The following CDH18 variants were observed in gnomAD, a reference collection of about 807,000 sequenced individuals.
CDH18 encodes cadherin 18, also known as cadherin-18.
In CDH18, 31 loss-of-function variants were observed where a neutral mutation model predicts 67.9. The ratio of observed to expected loss-of-function variants is 0.46; its 90% confidence interval spans 0.34 to 0.62. CDH18 has a LOEUF of 0.62. CDH18 is among the 20% of genes least tolerant of loss of function. CDH18 has a pLI of 0.01. For missense variants in CDH18, 890 were observed against 975.5 expected (o/e 0.91, Z 1.17); for synonymous variants, 362 against 347.2 (o/e 1.04, Z -0.48).
chr5:20,502,236 G>A (rs1322274670), intron 1 of CDH18, among the ~76,000 whole-genome samples: 1 of 152,084 alleles, frequency 6.6e-6, no homozygotes, highest in Non-Finnish European at 1.5e-5. Context: ...TTGTTCAATG[G>A]ATTACTTGTT....
chr5:20,538,162 C>T (rs1756834298), intron 1 of CDH18, among the ~76,000 whole-genome samples: 1 of 152,042 alleles, frequency 6.6e-6, no homozygotes, highest in Non-Finnish European at 1.5e-5. Context: ...GAACACATCA[C>T]TATGAATGTA....
At chr5:19,652,599 A>C (rs1755744177) in intron 5 of CDH18, among the ~76,000 whole-genome samples, 1 of 152,164 alleles carries the variant, frequency 6.6e-6, no homozygotes, top group Non-Finnish European at 1.5e-5. Flanking sequence ...CACAAAAATC[A>C]ATGCTGCAAA....
At chr5:19,848,119 A>G (rs932030734) in intron 2 of CDH18, 3 of 152,190 alleles carry the variant, frequency 2.0e-5, no homozygotes, top group Non-Finnish European at 4.4e-5. Flanking sequence ...CTTCTGTGGC[A>G]CAAGTCTTCT....
chr5:19,885,430 A>C (rs1223407153), intron 2 of CDH18, among the ~76,000 whole-genome samples: 1 of 152,244 alleles, frequency 6.6e-6, no homozygotes, highest in African/African-American at 2.4e-5. Flanking sequence ...GATTTCATAC[A>C]TCTAAGAATA....
intron 2 of CDH18, among the ~76,000 whole-genome samples, chr5:20,249,080 C>T (rs559387491): frequency 1.3e-5 from 2 of 152,080 alleles, no homozygotes; most frequent in African/African-American, 2.4e-5. Context: ...AAAAGTACAG[C>T]GAAGTATTTA....
intron 5 of CDH18, among the ~76,000 whole-genome samples, chr5:19,711,054 G>C (rs528230632): frequency 6.6e-6 from 1 of 152,026 alleles, no homozygotes; most frequent in Non-Finnish European, 1.5e-5. Context: ...GTCATATGCA[G>C]AAGAATGAAA....
chr5:19,699,575 T>A (rs1762946391), intron 5 of CDH18, among the ~76,000 whole-genome samples: 1 of 151,678 alleles, frequency 6.6e-6, no homozygotes, highest in Admixed American at 6.6e-5. Context: ...TATAAGAAGA[T>A]GAAGACACAT....
chr5:20,386,795 A>T (rs1744346714), intron 1 of CDH18, among the ~76,000 whole-genome samples: 1 of 152,116 alleles, frequency 6.6e-6, no homozygotes, highest in Non-Finnish European at 1.5e-5. Context: ...AGCTACAGTT[A>T]TCCCAATAAT....
At chr5:19,893,313 T>G (rs919026400) in intron 2 of CDH18, among the ~76,000 whole-genome samples, 2 of 152,186 alleles carry the variant, frequency 1.3e-5, no homozygotes, top group Admixed American at 1.3e-4. Context: ...TATTTGTGTA[T>G]GTTAATATTG....
At chr5:20,041,652 G>T (rs926814986) in intron 2 of CDH18, among the ~76,000 whole-genome samples, 1 of 152,116 alleles carries the variant, frequency 6.6e-6, no homozygotes, top group Admixed American at 6.6e-5. Flanking sequence ...TTCCAGTGAT[G>T]ATCTCGGTAC....
At chr5:20,352,639 A>C (rs947834436) in intron 1 of CDH18, among the ~76,000 whole-genome samples, 5 of 150,618 alleles carry the variant, frequency 3.3e-5, no homozygotes, top group Admixed American at 3.3e-4. Context: ...AAAAAAAAAA[A>C]AAAAAATTAG....
chr5:19,581,577 T>C (rs1241628239), intron 7 of CDH18, among the ~76,000 whole-genome samples: 1 of 152,028 alleles, frequency 6.6e-6, no homozygotes. Context: ...AATTCTATTC[T>C]CCTAACTAAT....
At chr5:19,895,060 A>C (rs1049996608) in intron 2 of CDH18, among the ~76,000 whole-genome samples, 11 of 152,108 alleles carry the variant, frequency 7.2e-5, no homozygotes. Context: ...TGCTCACTTG[A>C]ACACTGCTCT....
At position 20,321,396 on chromosome 5, in the gene CDH18, A is replaced by G. The variant is rs545427716; in HGVS notation, c.-579-65891T>C. On this transcript the variant is annotated intron_variant, in intron 1 of 14. Coordinates refer to the CDH18 transcript ENST00000507958. ...AGATAACATATGAGAATTAGTATCT[A>G]TTGTTCTCAGCCATAAGCCTCCTTC... 1.4e-3 allele frequency among the ~76,000 whole-genome samples: 206 copies of G among 152,192 alleles called. 3 individuals are homozygous for G. Among genetic ancestry groups the G allele is most frequent in the African/African-American group, 4.8e-3 (201 of 41,524 alleles).
chr5:19,688,746 G>A (rs530596812), intron 5 of CDH18, among the ~76,000 whole-genome samples: 1 of 152,028 alleles, frequency 6.6e-6, no homozygotes, highest in East Asian at 1.9e-4. Flanking sequence ...TATTAAAGAA[G>A]TTCCATGAAA....
chr5:19,637,955 G>A (rs1370212718), intron 5 of CDH18, among the ~76,000 whole-genome samples: 1 of 151,970 alleles, frequency 6.6e-6, no homozygotes, highest in Non-Finnish European at 1.5e-5. Context: ...TTCTATCATC[G>A]CCTTCTAACA....
chr5:20,498,475 C>G (rs529239236), intron 1 of CDH18, among the ~76,000 whole-genome samples: 9 of 152,066 alleles, frequency 5.9e-5, no homozygotes, highest in African/African-American at 1.9e-4. Flanking sequence ...TAGAGAGATA[C>G]TTATTTTAAA....
chr5:19,818,991 A>G (rs1035664115), intron 3 of CDH18, among the ~76,000 whole-genome samples: 2 of 151,990 alleles, frequency 1.3e-5, no homozygotes, highest in Admixed American at 6.6e-5. Flanking sequence ...GGATACTTGA[A>G]CTCTAATGGC....
intron 2 of CDH18, among the ~76,000 whole-genome samples, chr5:19,965,900 T>C (rs1561646832): frequency 6.6e-6 from 1 of 152,160 alleles, no homozygotes; most frequent in Non-Finnish European, 1.5e-5. Flanking sequence ...CAGCGACACT[T>C]ACATGACAGA....
Sources: gnomAD v4.1 joint callset for allele counts (sites outside exome capture counted in the v4.1 genomes callset) on GRCh38, gnomAD v4.1.1 for gene constraint, MANE v1.5 for transcripts, NCBI Gene and HGNC (gene_info 2026-07-23, HGNC 2026-07-21) for gene names.